Variants in ATP11B observed in about 807,000 individuals in gnomAD.
ATP11B encodes phospholipid-transporting ATPase IF.
Under a neutral mutation model 157.8 loss-of-function variants are expected in ATP11B, and 81 were observed. That is an observed-to-expected ratio of 0.51 (90% CI 0.43 to 0.62). The LOEUF is 0.62. Ranked by LOEUF, ATP11B falls within the 20% of genes least tolerant of loss-of-function variation. The pLI, the probability that ATP11B is intolerant of heterozygous loss-of-function variation, is 0.00. For synonymous variants in ATP11B, 451 were observed against 469.4 expected (o/e 0.96, Z 0.51); for missense variants, 1,165 against 1,402.2 (o/e 0.83, Z 2.70).
chr3:182,908,196 CTTTT>C (rs10716562), intron 28 of ATP11B, among the ~76,000 whole-genome samples: 4 of 70,746 alleles, frequency 5.7e-5, no homozygotes, highest in Admixed American at 2.0e-4. Context: ...TTATTATTTT[CTTTT>C]TTTTTTTTTT....
chr3:182,837,284 G>C lies in ATP11B; in HGVS notation c.656+110G>C, dbSNP rs1489228955. The C allele has an allele frequency of 5.2e-6, 4 of 764,480 alleles. No individual in the cohort carries two copies. The East Asian group carries it at 1.2e-4, about 22-fold the overall frequency. The allele number at this position is 764,480 out of a possible 1,614,324, so 47.4% of individuals were successfully genotyped here. A position where few individuals can be genotyped will look rare whatever the true frequency, so the allele number is the denominator to read the frequency against. On this transcript the variant is annotated intron_variant, in intron 7 of 29. Coordinates refer to ENST00000323116, the MANE Select transcript of ATP11B (RefSeq NM_014616.3). Reference sequence around the variant, plus strand: ...TTAGCTAATTGGAGACTGTATTTGTGGGGTGGGTTGGTGGGAGATGCAATT... The same window carrying C: ...TTAGCTAATTGGAGACTGTATTTGTCGGGTGGGTTGGTGGGAGATGCAATT...
chr3:182,917,037 A>C, intron 29 of ATP11B: 1 of 985,368 alleles, frequency 1.0e-6, no homozygotes, highest in Non-Finnish European at 1.2e-6. Flanking sequence ...AACCTAAGGT[A>C]GATACTGTTC....
At chr3:182,878,871 A>G (rs1226245884) in intron 19 of ATP11B, among the ~76,000 whole-genome samples, 1 of 151,900 alleles carries the variant, frequency 6.6e-6, no homozygotes, top group Non-Finnish European at 1.5e-5. Context: ...TAATGTTTCG[A>G]TTTTTGTAAG....
chr3:182,837,257 C>G lies in ATP11B; in HGVS notation c.656+83C>G, dbSNP rs961488215. ...AATAACCATAAACATAAAATGAAAT[C>G]TTTAGCTAATTGGAGACTGTATTTG... On this transcript the variant is annotated intron_variant, in intron 7 of 29. Coordinates refer to ENST00000323116, the MANE Select transcript of ATP11B (RefSeq NM_014616.3). 4 of 1,034,386 alleles carry G rather than the reference C, an allele frequency of 3.9e-6. No homozygotes were observed. In the African/African-American group the frequency reaches 6.6e-5, roughly 17 times the overall value. The allele number at this position is 1,034,386 out of a possible 1,614,324, so 64.1% of individuals were successfully genotyped here.
chr3:182,917,228 G>A (rs1203615784), intron 29 of ATP11B: 1 of 985,158 alleles, frequency 1.0e-6, no homozygotes, highest in African/African-American at 1.7e-5. Context: ...TGTATTTATT[G>A]TTAAATGTGT....
At chr3:182,867,021 T>G (rs1721293209) in intron 14 of ATP11B, among the ~76,000 whole-genome samples, 1 of 149,982 alleles carries the variant, frequency 6.7e-6, no homozygotes. Context: ...GCCTCTGGGG[T>G]TCAAGCCATT....
intron 21 of ATP11B, among the ~76,000 whole-genome samples, chr3:182,882,493 C>T (rs1487378808): frequency 1.3e-5 from 2 of 150,020 alleles, no homozygotes; most frequent in African/African-American, 4.9e-5. Flanking sequence ...ATGGATAAAA[C>T]TGGTTAGTGA....
In ATP11B at chr3:182,913,996, T is replaced by C. The variant is rs2108597893; in HGVS notation, c.3452+2T>C. 6.2e-7 allele frequency: 1 copy of C among 1,613,840 alleles called. No homozygotes were observed. The highest frequency in any genetic ancestry group is 2.2e-5 in the East Asian group (1 of 44,860). On this transcript the variant is annotated splice_donor_variant, in intron 29 of 29. Coordinates refer to ENST00000323116, the MANE Select transcript of ATP11B (RefSeq NM_014616.3). LOFTEE classifies it high-confidence loss of function. ...ATGTAGTCCAACCCACATCAGCAGGTGTGAAATCTCTCTAAGTAGCCTTTG... is the reference window on the plus strand; with the variant it reads ...ATGTAGTCCAACCCACATCAGCAGGCGTGAAATCTCTCTAAGTAGCCTTTG...
At chr3:182,915,789 T>C (rs1298479047) in intron 29 of ATP11B, 1 of 984,274 alleles carries the variant, frequency 1.0e-6, no homozygotes, top group Non-Finnish European at 1.2e-6. Flanking sequence ...GAATTTACTT[T>C]TACATGTTCT....
intron 17 of ATP11B, 39 bp from the exon 18 acceptor site, chr3:182,872,317 G>A (rs567114855): frequency 7.1e-7 from 1 of 1,410,326 alleles, no homozygotes; most frequent in African/African-American, 1.4e-5. Context: ...TGTTGTTTGT[G>A]TTCAATTTTT....
intron 10 of ATP11B, among the ~76,000 whole-genome samples, chr3:182,851,063 T>C (rs1719939216): frequency 6.6e-6 from 1 of 152,006 alleles, no homozygotes; most frequent in African/African-American, 2.4e-5. Context: ...GAGGCTGAGG[T>C]GGGTGGATCA....
intron 1 of ATP11B, among the ~76,000 whole-genome samples, chr3:182,796,144 G>A (rs997106191): frequency 6.6e-6 from 1 of 152,152 alleles, no homozygotes; most frequent in African/African-American, 2.4e-5. Flanking sequence ...TCAGAAAGTT[G>A]ACAGAAGCTT....
intron 1 of ATP11B, among the ~76,000 whole-genome samples, chr3:182,807,102 A>G (rs1401875403): frequency 6.6e-6 from 1 of 152,212 alleles, no homozygotes; most frequent in Non-Finnish European, 1.5e-5. Context: ...TTCAAAATGT[A>G]GACCTTCCCA....
chr3:182,872,275 G>A, intron 17 of ATP11B, 81 bp from the exon 18 acceptor site: 1 of 1,007,130 alleles, frequency 9.9e-7, no homozygotes, highest in Non-Finnish European at 1.5e-6. Flanking sequence ...GGTCTTCAGT[G>A]TATTTTGATA....
chr3:182,905,508 A>G (rs1724282536), intron 28 of ATP11B, among the ~76,000 whole-genome samples: 2 of 152,228 alleles, frequency 1.3e-5, no homozygotes, highest in Admixed American at 1.3e-4. Context: ...AATGAATTTA[A>G]TAGAAGAAAC....
At chr3:182,886,731 C>G (rs888272137) in intron 23 of ATP11B, among the ~76,000 whole-genome samples, 1 of 152,076 alleles carries the variant, frequency 6.6e-6, no homozygotes, top group African/African-American at 2.4e-5. Context: ...TTTTACATAC[C>G]ATACTATACA....
At chr3:182,823,574 C>T (rs1453119722) in intron 2 of ATP11B, among the ~76,000 whole-genome samples, 1 of 152,076 alleles carries the variant, frequency 6.6e-6, no homozygotes, top group African/African-American at 2.4e-5. Context: ...GTTCTTTTGG[C>T]TTAGGATTGT....
At chr3:182,893,819 G>A (rs1282603965) in intron 25 of ATP11B, among the ~76,000 whole-genome samples, 14 of 152,186 alleles carry the variant, frequency 9.2e-5, no homozygotes, top group Non-Finnish European at 1.0e-4. Flanking sequence ...CAGTGTAAAA[G>A]TGTTCCCTTT....
intron 28 of ATP11B, among the ~76,000 whole-genome samples, chr3:182,903,529 CT>C (rs1483304938): frequency 6.6e-6 from 1 of 152,094 alleles, no homozygotes; most frequent in African/African-American, 2.4e-5. Context: ...TTTACTAAAC[CT>C]TTCAGGTTTT....
Sources: allele counts gnomAD v4.1 joint callset (sites outside exome capture counted in the v4.1 genomes callset), GRCh38; gene constraint gnomAD v4.1.1; transcripts MANE v1.5; gene names NCBI Gene and HGNC (gene_info 2026-07-23, HGNC 2026-07-21).